Variants in ZNF346 observed in about 807,000 individuals in gnomAD.
ZNF346 encodes the protein zinc finger protein 346.
ZNF346 carries 23 observed loss-of-function variants against 33.7 expected under a neutral mutation model. The observed-to-expected ratio is 0.68, with a 90% CI of 0.49 to 0.97. ZNF346 has a LOEUF of 0.97. Ranked by LOEUF, ZNF346 falls within the 50% of genes least tolerant of loss-of-function variation. The pLI is 0.00. For synonymous variants in ZNF346, 134 were observed against 142.4 expected (o/e 0.94, Z 0.42); for missense variants, 340 against 371.1 (o/e 0.92, Z 0.69).
chr5:177,056,155 G>C (rs1781653467), intron 5 of ZNF346, among the ~76,000 whole-genome samples: 1 of 151,782 alleles, frequency 6.6e-6, no homozygotes, highest in Admixed American at 6.6e-5. Context: ...TGAGTCAGGA[G>C]AATCTCTTGA....
intron 5 of ZNF346, among the ~76,000 whole-genome samples, chr5:177,051,473 C>A (rs942690029): frequency 1.3e-5 from 2 of 151,644 alleles, no homozygotes; most frequent in Admixed American, 1.3e-4. Context: ...CCGCGCCCAG[C>A]CCTCTTTCAG....
chr5:177,051,464 C>CG (rs1780883703), intron 5 of ZNF346, among the ~76,000 whole-genome samples: 2 of 147,024 alleles, frequency 1.4e-5, no homozygotes, highest in Admixed American at 1.4e-4. Context: ...CGTGAGCCAC[C>CG]GCGCCCAGCC....
chr5:177,025,548 C>G (rs1231423272), intron 1 of ZNF346, among the ~76,000 whole-genome samples: 2 of 152,148 alleles, frequency 1.3e-5, no homozygotes, highest in Non-Finnish European at 2.9e-5. Context: ...TTTCTATAAC[C>G]TTGACAACAC....
intron 5 of ZNF346, among the ~76,000 whole-genome samples, chr5:177,056,836 G>A (rs1287210253): frequency 6.6e-6 from 1 of 152,102 alleles, no homozygotes; most frequent in Non-Finnish European, 1.5e-5. Flanking sequence ...AATGGATGCA[G>A]CACACCAACT....
At chr5:177,046,447 G>T (rs939372896) in intron 4 of ZNF346, among the ~76,000 whole-genome samples, 2 of 151,754 alleles carry the variant, frequency 1.3e-5, no homozygotes. Context: ...CACATACTTT[G>T]TTTTTATATA....
At chr5:177,032,027 G>A (rs111458052) in intron 1 of ZNF346, among the ~76,000 whole-genome samples, 797 of 30,762 alleles carry the variant, frequency 0.026, 7 homozygotes, top group African/African-American at 0.086. Context: ...TTTTTTTTGA[G>A]ATGGATTTTC....
In ZNF346 at chr5:177,067,434, C is replaced by T. The variant is rs1302152086; in HGVS notation, c.*2835C>T. 6.6e-6 allele frequency among the ~76,000 whole-genome samples: 1 copy of T among 152,162 alleles called. No homozygotes were observed. The highest frequency in any genetic ancestry group is 1.5e-5 in the Non-Finnish European group (1 of 68,028). ...TCTACACAGCCCCAAGGGAGGTTCT[C>T]AGCTTCCCATGATCAGACTGCCTCA... On this transcript the variant is annotated 3_prime_UTR_variant, in exon 7 of 7. Coordinates refer to ENST00000358149, the MANE Select transcript of ZNF346 (RefSeq NM_012279.4).
intron 2 of ZNF346, 101 bp from the exon 3 acceptor site, chr5:177,041,673 CTTTT>C: frequency 1.3e-6 from 1 of 752,768 alleles, no homozygotes; most frequent in Non-Finnish European, 2.2e-6. Flanking sequence ...CTCCTCAAAA[CTTTT>C]TGTGAGGATG....
intron 8 of ZNF346, among the ~76,000 whole-genome samples, chr5:177,078,966 GTAGTT>G (rs1249803611): frequency 6.6e-6 from 1 of 151,070 alleles, no homozygotes; most frequent in Non-Finnish European, 1.5e-5. Flanking sequence ...GGTTAGATCC[GTAGTT>G]TAAAGAAGTC....
intron 1 of ZNF346, among the ~76,000 whole-genome samples, chr5:177,037,112 G>A (rs554619519): frequency 6.6e-6 from 1 of 152,202 alleles, no homozygotes; most frequent in Non-Finnish European, 1.5e-5. Context: ...GTCCGGTTTT[G>A]TCAGTTTTGT....
intron 5 of ZNF346, among the ~76,000 whole-genome samples, chr5:177,056,627 A>T (rs762521996): frequency 2.0e-5 from 3 of 152,214 alleles, no homozygotes; most frequent in Non-Finnish European, 4.4e-5. Flanking sequence ...GACGTGGATG[A>T]AGCTAGAAAC....
At chr5:177,076,569 C>G (rs1002781880) in intron 8 of ZNF346, among the ~76,000 whole-genome samples, 1 of 152,136 alleles carries the variant, frequency 6.6e-6, no homozygotes, top group Non-Finnish European at 1.5e-5. Context: ...CCCAACGTTT[C>G]CTCTTAGTCA....
At chr5:177,049,138 T>C (rs1581890482) in intron 4 of ZNF346, among the ~76,000 whole-genome samples, 1 of 152,294 alleles carries the variant, frequency 6.6e-6, no homozygotes, top group South Asian at 2.1e-4. Context: ...TTTCTCATAT[T>C]ATAAAATATT....
rs190330034 is a variant in ZNF346 at position 177,065,655 on chromosome 5, C to T, written c.*1056C>T. On this transcript the variant is annotated 3_prime_UTR_variant, in exon 7 of 7. Transcript: ENST00000358149. Reference sequence around the variant, plus strand: ...AGGCCCCACACCCAGATTTCTCTATCTTTGCTGTGTTTTATGGCCTGGGAC... The same window carrying T: ...AGGCCCCACACCCAGATTTCTCTATTTTTGCTGTGTTTTATGGCCTGGGAC... The T allele has an allele frequency of 9.1e-3, 1,396 of 152,630 alleles. 9 individuals carry two copies. The highest frequency in any genetic ancestry group is 0.025 in the South Asian group (121 of 4,816). The allele number at this position is 152,630 out of a possible 1,614,324, so 9.5% of individuals were successfully genotyped here.
chr5:177,080,901 C>T (rs930974055), exon 9 of ZNF346: 1 of 152,156 alleles, frequency 6.6e-6, no homozygotes, highest in Non-Finnish European at 1.5e-5. Context: ...CCAAGCTAGA[C>T]CTCCCTGGAG....
intron 1 of ZNF346, among the ~76,000 whole-genome samples, chr5:177,035,918 C>A (rs1014804613): frequency 6.6e-6 from 1 of 151,786 alleles, no homozygotes; most frequent in East Asian, 1.9e-4. Context: ...GTATTACAGG[C>A]GTGAGCTACC....
At chr5:177,043,725 C>T (rs1779663272) in intron 3 of ZNF346, among the ~76,000 whole-genome samples, 1 of 151,886 alleles carries the variant, frequency 6.6e-6, no homozygotes, top group Non-Finnish European at 1.5e-5. Flanking sequence ...GATCGTGCCA[C>T]TGCACTCCAG....
chr5:177,054,155 C>T (rs1295745561), intron 5 of ZNF346, among the ~76,000 whole-genome samples: 3 of 150,940 alleles, frequency 2.0e-5, no homozygotes, highest in South Asian at 4.2e-4. Flanking sequence ...TCACTGCAGT[C>T]GTGACCTCCC....
chr5:177,032,654 G>T (rs894059006), intron 1 of ZNF346, among the ~76,000 whole-genome samples: 2 of 152,032 alleles, frequency 1.3e-5, no homozygotes, highest in African/African-American at 4.8e-5. Flanking sequence ...CAGGTGATCC[G>T]CCCGCCTCGG....
Sources: gnomAD v4.1 joint callset for allele counts (sites outside exome capture counted in the v4.1 genomes callset) on GRCh38, gnomAD v4.1.1 for gene constraint, MANE v1.5 for transcripts, NCBI Gene and HGNC (gene_info 2026-07-23, HGNC 2026-07-21) for gene names.